Variants in ARSB observed in about 807,000 individuals in gnomAD.
The protein encoded by ARSB is N-acetylgalactosamine-4-sulfatase.
A neutral mutation model predicts 50.9 loss-of-function variants in ARSB; 41 were observed. The observed-to-expected ratio is 0.81, with a 90% confidence interval of 0.63 to 1.04. ARSB has a LOEUF of 1.04. Ranked by LOEUF, ARSB falls within the 50% of genes least tolerant of loss-of-function variation. The pLI, the probability that ARSB is intolerant of heterozygous loss-of-function variation, is 0.00. For synonymous variants in ARSB, 269 were observed against 284.8 expected, an observed-to-expected ratio of 0.94 and a Z score of 0.56; for missense variants, 672 against 693.3, an observed-to-expected ratio of 0.97 and a Z score of 0.35.
chr5:78,968,350 TA>T (rs1752299368), intron 2 of ARSB, among the ~76,000 whole-genome samples: 1 of 148,272 alleles, frequency 6.7e-6, no homozygotes, highest in East Asian at 2.0e-4. Context: ...TTATTATTAT[TA>T]TTATTATTAT....
chr5:78,983,085 G>C (rs1752982303), intron 1 of ARSB, among the ~76,000 whole-genome samples: 1 of 152,146 alleles, frequency 6.6e-6, no homozygotes, highest in Admixed American at 6.5e-5. Context: ...ATGGAGTCTT[G>C]CTCTGTCGCC....
At chr5:78,870,074 T>C (rs1480395506) in intron 5 of ARSB, among the ~76,000 whole-genome samples, 2 of 129,666 alleles carry the variant, frequency 1.5e-5, no homozygotes, top group Non-Finnish European at 3.3e-5. Context: ...AAGAAATGGA[T>C]ACATTCCTCG....
intron 4 of ARSB, among the ~76,000 whole-genome samples, chr5:78,945,701 C>A (rs1253816875): frequency 3.3e-5 from 5 of 152,214 alleles, no homozygotes; most frequent in Admixed American, 2.0e-4. Context: ...TCTAGCCTCA[C>A]ATCTCGCTGC....
chr5:78,903,276 G>C (rs1748885608), intron 4 of ARSB, among the ~76,000 whole-genome samples: 1 of 152,096 alleles, frequency 6.6e-6, no homozygotes, highest in East Asian at 1.9e-4. Flanking sequence ...CCTACATTCA[G>C]GAAAAGTCTT....
intron 1 of ARSB, among the ~76,000 whole-genome samples, chr5:78,977,317 C>T (rs62377897): frequency 0.13 from 19,942 of 152,042 alleles, 1,753 homozygotes; most frequent in Non-Finnish European, 0.2. Context: ...TCATACCTGG[C>T]TAATTTTTGT....
At chr5:78,939,282 C>CTTT (rs11339765) in intron 4 of ARSB, among the ~76,000 whole-genome samples, 1 of 148,350 alleles carries the variant, frequency 6.7e-6, no homozygotes, top group African/African-American at 2.5e-5. Flanking sequence ...CTATGTATTT[C>CTTT]TTTTTTTTTT....
At chr5:78,822,567 A>G (rs1300040618) in intron 6 of ARSB, among the ~76,000 whole-genome samples, 4 of 152,234 alleles carry the variant, frequency 2.6e-5, no homozygotes, top group Middle Eastern at 3.2e-3. Context: ...AAAATTATAC[A>G]TAATCTCACC....
intron 4 of ARSB, among the ~76,000 whole-genome samples, chr5:78,888,816 C>T (rs563142408): frequency 1.3e-5 from 2 of 152,278 alleles, no homozygotes; most frequent in African/African-American, 4.8e-5. Context: ...GGGGAGGCCA[C>T]GGATGTAGTA....
intron 5 of ARSB, among the ~76,000 whole-genome samples, chr5:78,867,311 C>G (rs1433228308): frequency 6.6e-6 from 1 of 151,786 alleles, no homozygotes; most frequent in Non-Finnish European, 1.5e-5. Flanking sequence ...TGGGTGGAGC[C>G]CACCACAGCT....
intron 5 of ARSB, among the ~76,000 whole-genome samples, chr5:78,843,874 T>C (rs1454594814): frequency 6.6e-6 from 1 of 152,248 alleles, no homozygotes; most frequent in Non-Finnish European, 1.5e-5. Flanking sequence ...TGTGGTAGCA[T>C]GCATCAAATA....
chr5:78,895,232 C>A (rs1032938026), intron 4 of ARSB, among the ~76,000 whole-genome samples: 1 of 152,124 alleles, frequency 6.6e-6, no homozygotes, highest in Admixed American at 6.5e-5. Flanking sequence ...ATGCATACTG[C>A]TGGACATAAT....
intron 4 of ARSB, among the ~76,000 whole-genome samples, chr5:78,936,850 A>G (rs1003169069): frequency 6.6e-6 from 1 of 152,202 alleles, no homozygotes; most frequent in African/African-American, 2.4e-5. Context: ...TAGATTCTAT[A>G]TCTTTAAATA....
In ARSB at chr5:78,959,869, T is replaced by G. The variant is rs557492276; in HGVS notation, c.691-4367A>C. ...TGAATTAACTAGGACTCCAAGGTTC[T>G]CCAATCACAGTGAGGACCCCACCTG... On this transcript the variant is annotated intron_variant, in intron 3 of 7. Coordinates refer to ENST00000264914, the MANE Select transcript of ARSB (RefSeq NM_000046.5). 1.6e-3 allele frequency among the ~76,000 whole-genome samples: 241 copies of G among 152,294 alleles called. 1 individual carries two copies. Among genetic ancestry groups the G allele is most frequent in the South Asian group, 3.5e-3 (17 of 4,816 alleles).
intron 5 of ARSB, among the ~76,000 whole-genome samples, chr5:78,848,002 A>G (rs1326825085): frequency 6.6e-6 from 1 of 151,778 alleles, no homozygotes. Context: ...TTCAAAAACC[A>G]ACTTTTAATT....
intron 5 of ARSB, among the ~76,000 whole-genome samples, chr5:78,876,673 G>A (rs1014612025): frequency 1.4e-4 from 21 of 152,202 alleles, no homozygotes; most frequent in African/African-American, 4.8e-4. Context: ...CAGAGGACCA[G>A]AGAAGAGAAA....
In ARSB at chr5:78,840,274, A is replaced by C. The variant is rs75289107; in HGVS notation, c.1143-848T>G. 2.6e-4 allele frequency among the ~76,000 whole-genome samples: 39 copies of C among 152,210 alleles called. No individual in the cohort carries two copies. The East Asian group carries it at 7.5e-3, about 29-fold the overall frequency. ...ACTCCCTGATAATCTAATACAGTTCAGCTAAGTACTAAAGGTTGCAAAGTA... is the reference window on the plus strand; with the variant it reads ...ACTCCCTGATAATCTAATACAGTTCCGCTAAGTACTAAAGGTTGCAAAGTA... On this transcript the variant is annotated intron_variant, in intron 5 of 7. Transcript: ENST00000264914.
intron 4 of ARSB, among the ~76,000 whole-genome samples, chr5:78,930,976 TGACTAA>T (rs1750296794): frequency 1.3e-5 from 2 of 152,168 alleles, no homozygotes; most frequent in Admixed American, 6.5e-5. Context: ...TTTCCTCAGC[TGACTAA>T]GCCAGAGCTT....
In ARSB at chr5:78,969,083, T is replaced by A. The variant is rs767287546; in HGVS notation, c.422A>T (p.His141Leu). The change falls in exon 2 of 8, where the codon CAT (histidine) becomes CTT (leucine). Residue 141 changes from histidine to leucine, a missense_variant. Coordinates refer to ENST00000264914, the MANE Select transcript of ARSB (RefSeq NM_000046.5). Reference sequence around the variant, plus strand: ...TCCCAGGTGCCATTTTCCGACCATATGGGTAGTATAACCTGCTTCTTTTAG... The same window carrying A: ...TCCCAGGTGCCATTTTCCGACCATAAGGGTAGTATAACCTGCTTCTTTTAG... ...QLLKEAGYTT[H>L]MVGKWHLGMY... 1.2e-6 allele frequency: 2 copies of A among 1,614,214 alleles called. No individual in the cohort carries two copies. Among genetic ancestry groups the A allele is most frequent in the East Asian group, 4.5e-5 (2 of 44,892 alleles).
At position 78,948,594 on chromosome 5, in the gene ARSB, A is replaced by G. The variant is rs185385487; in HGVS notation, c.898+6701T>C. The stretch of plus-strand genomic sequence containing the variant: ...ATTTATATGCAGTAAGAACATGGAA[A>G]GCAGAATAATTAAATTTAAACTTTT... On this transcript the variant is annotated intron_variant, in intron 4 of 7. Transcript: ENST00000264914. Among the ~76,000 whole-genome samples, 446 of 152,298 alleles carry G rather than the reference A, an allele frequency of 2.9e-3. 3 individuals are homozygous for G. Among genetic ancestry groups the G allele is most frequent in the Admixed American group, 7.5e-3 (114 of 15,282 alleles).
Sources: gnomAD v4.1 joint callset for allele counts (sites outside exome capture counted in the v4.1 genomes callset) on GRCh38, gnomAD v4.1.1 for gene constraint, MANE v1.5 for transcripts, NCBI Gene and HGNC (gene_info 2026-07-23, HGNC 2026-07-21) for gene names.